Variants in CACNB4 observed in about 807,000 individuals in gnomAD.
CACNB4 encodes calcium voltage-gated channel auxiliary subunit beta 4, also known as voltage-dependent L-type calcium channel subunit beta-4.
In CACNB4, 32 loss-of-function variants were observed where a neutral mutation model predicts 71.2. That is an observed-to-expected ratio of 0.45 (90% CI 0.34 to 0.60). The LOEUF is 0.60. Among genes scored for constraint, CACNB4 ranks in the 20% least tolerant of loss-of-function variants. The probability of loss-of-function intolerance (pLI) is 0.01; values close to 1 mark genes in which losing one functional copy is unlikely to be tolerated. For synonymous variants in CACNB4, 231 were observed against 236.9 expected (o/e 0.97, Z 0.23); for missense variants, 464 against 647.9 (o/e 0.72, Z 3.08).
rs574960454 is a variant in CACNB4, at chr2:151,853,200, C to T, written c.1116+248G>A. The T allele has an allele frequency of 3.3e-4, 125 of 379,498 alleles. 1 individual carries two copies. In the South Asian group the frequency reaches 4.0e-3, roughly 12 times the overall value. The allele number at this position is 379,498 out of a possible 1,614,324, so 23.5% of individuals were successfully genotyped here. ...GTTTGCTGCATGTTTGCAAAGCAAA[C>T]AAGGTAGCAGTGAGAAGAACAGACC... On this transcript the variant is annotated intron_variant, in intron 12 of 13. Coordinates refer to ENST00000539935, the MANE Select transcript of CACNB4 (RefSeq NM_000726.5).
intron 2 of CACNB4, among the ~76,000 whole-genome samples, chr2:152,051,941 T>C (rs999563038): frequency 6.6e-6 from 1 of 152,236 alleles, no homozygotes; most frequent in Non-Finnish European, 1.5e-5. Flanking sequence ...AAAGTACATA[T>C]AATATGTAGT....
At chr2:151,975,444 C>G (rs1377747863) in intron 2 of CACNB4, among the ~76,000 whole-genome samples, 1 of 152,142 alleles carries the variant, frequency 6.6e-6, no homozygotes, top group Non-Finnish European at 1.5e-5. Context: ...TAAATGATAG[C>G]AAGAAGATAT....
rs1341631444 is a variant in CACNB4 at position 151,834,773 on chromosome 2, T to A, written c.*4346A>T. 6.6e-6 allele frequency: 1 copy of A among 151,926 alleles called. No homozygotes were observed. Among genetic ancestry groups the A allele is most frequent in the Non-Finnish European group, 1.5e-5 (1 of 67,808 alleles). 9.4% of individuals were successfully genotyped at this position (151,926 alleles called of 1,614,324 possible). The stretch of plus-strand genomic sequence containing the variant: ...GCCCCATAGACACAGCTTGAGTAAG[T>A]AACTTACTAACAGTTATAGTATTGA... On this transcript the variant is annotated 3_prime_UTR_variant, in exon 14 of 14. Transcript: ENST00000539935.
chr2:151,959,141 T>C (rs946049206), intron 2 of CACNB4, among the ~76,000 whole-genome samples: 2 of 152,206 alleles, frequency 1.3e-5, no homozygotes, highest in South Asian at 2.1e-4. Context: ...CAAATGCTGA[T>C]AGGATAATGG....
At chr2:151,870,450 G>A in intron 8 of CACNB4, 81 bp downstream of exon 8, 1 of 1,193,790 alleles carries the variant, frequency 8.4e-7, no homozygotes. Context: ...CGTGGAAACA[G>A]ACCCTTGAGG....
intron 2 of CACNB4, among the ~76,000 whole-genome samples, chr2:151,937,037 T>C (rs1189465881): frequency 6.6e-6 from 1 of 152,248 alleles, no homozygotes; most frequent in Non-Finnish European, 1.5e-5. Flanking sequence ...CAGAGAGGCC[T>C]TCTCAGAGGA....
At chr2:151,905,112 G>A (rs1160654001) in intron 2 of CACNB4, among the ~76,000 whole-genome samples, 11 of 152,146 alleles carry the variant, frequency 7.2e-5, no homozygotes, top group Admixed American at 7.2e-4. Context: ...CCAGGATACT[G>A]TACTCTTAAA....
intron 2 of CACNB4, among the ~76,000 whole-genome samples, chr2:151,884,419 C>T (rs751186693): frequency 1.4e-5 from 2 of 147,342 alleles, no homozygotes; most frequent in African/African-American, 5.0e-5. Context: ...GTCAGGAGTT[C>T]GACACCAGCC....
chr2:152,053,042 T>A (rs1249520292), intron 2 of CACNB4, among the ~76,000 whole-genome samples: 1 of 152,190 alleles, frequency 6.6e-6, no homozygotes, highest in Non-Finnish European at 1.5e-5. Context: ...ATTTTGTCTC[T>A]GCCTCTAATT....
At chr2:152,020,301 T>G (rs573053355) in intron 2 of CACNB4, among the ~76,000 whole-genome samples, 3 of 152,358 alleles carry the variant, frequency 2.0e-5, no homozygotes, top group African/African-American at 7.2e-5. Flanking sequence ...ATTCTTCCCC[T>G]ATTCTTCCAG....
chr2:151,958,837 C>T (rs542233770), intron 2 of CACNB4, among the ~76,000 whole-genome samples: 1 of 152,204 alleles, frequency 6.6e-6, no homozygotes, highest in Admixed American at 6.5e-5. Flanking sequence ...AATCTGTGAA[C>T]GGCTCCCAAT....
chr2:151,844,301 G>A (rs2099836989), intron 12 of CACNB4, among the ~76,000 whole-genome samples: 1 of 152,132 alleles, frequency 6.6e-6, no homozygotes, highest in African/African-American at 2.4e-5. Flanking sequence ...TGAAGCTGCA[G>A]CATAAAGTTC....
intron 5 of CACNB4, chr2:151,873,794 A>G (rs1414588163): frequency 6.6e-6 from 1 of 152,136 alleles, no homozygotes; most frequent in Non-Finnish European, 1.5e-5. Flanking sequence ...ATTTTAGAAA[A>G]AAAGGGATAA....
chr2:151,929,875 T>C (rs1433104025), intron 2 of CACNB4, among the ~76,000 whole-genome samples: 2 of 152,112 alleles, frequency 1.3e-5, no homozygotes, highest in Non-Finnish European at 2.9e-5. Flanking sequence ...AATAATTGAA[T>C]AGAAGGTCAT....
intron 2 of CACNB4, among the ~76,000 whole-genome samples, chr2:152,085,147 C>T (rs573394783): frequency 6.6e-6 from 1 of 151,924 alleles, no homozygotes; most frequent in Non-Finnish European, 1.5e-5. Context: ...ATGGCATGAT[C>T]AAGGGAGTGG....
At chr2:152,024,660 T>C (rs16830609) in intron 2 of CACNB4, among the ~76,000 whole-genome samples, 7,490 of 152,318 alleles carry the variant, frequency 0.049, 607 homozygotes, top group African/African-American at 0.17. Context: ...AGCATCATTG[T>C]ATATTTCCCC....
In CACNB4 at chr2:152,088,178, C is replaced by T. The variant is rs867503946; in HGVS notation, c.147+10152G>A. Among the ~76,000 whole-genome samples, 6 of 151,768 alleles carry T rather than the reference C, an allele frequency of 4.0e-5. No individual in the cohort carries two copies. In the South Asian group the frequency reaches 8.3e-4, roughly 21 times the overall value. On this transcript the variant is annotated intron_variant, in intron 2 of 13. Transcript: ENST00000539935. ...ACACACACACACACACATACACACACACACACGGCAAATTAAAAAGCAGTG... is the reference window on the plus strand; with the variant it reads ...ACACACACACACACACATACACACATACACACGGCAAATTAAAAAGCAGTG...
intron 2 of CACNB4, among the ~76,000 whole-genome samples, chr2:151,938,729 AC>A (rs1368149373): frequency 6.6e-6 from 1 of 151,998 alleles, no homozygotes; most frequent in Non-Finnish European, 1.5e-5. Flanking sequence ...CAACCCTCCT[AC>A]CCCCAATACA....
At chr2:151,972,544 G>C (rs1206093276) in intron 2 of CACNB4, 2 of 152,216 alleles carry the variant, frequency 1.3e-5, no homozygotes, top group South Asian at 2.1e-4. Flanking sequence ...AACACGCAGA[G>C]AGACTTTGCG....
Sources: gnomAD v4.1 joint callset for allele counts (sites outside exome capture counted in the v4.1 genomes callset) on GRCh38, gnomAD v4.1.1 for gene constraint, MANE v1.5 for transcripts, NCBI Gene and HGNC (gene_info 2026-07-23, HGNC 2026-07-21) for gene names.